POU6F2: variants seen among roughly 807,000 people sequenced by gnomAD.
POU6F2 encodes the protein POU domain, class 6, transcription factor 2.
A neutral mutation model predicts 71.3 loss-of-function variants in POU6F2; 31 were observed. That is an observed-to-expected ratio of 0.43 (90% confidence interval 0.33 to 0.59). The LOEUF (loss-of-function observed/expected upper bound fraction) is 0.59. Ranked by LOEUF, POU6F2 falls within the 20% of genes least tolerant of loss-of-function variation. POU6F2 has a pLI of 0.04. For synonymous variants in POU6F2, 347 were observed against 355.7 expected, an observed-to-expected ratio of 0.98 and a Z score of 0.27; for missense variants, 783 against 856.8, an observed-to-expected ratio of 0.91 and a Z score of 1.07.
At chr7:39,117,397 G>A (rs1346626224) in intron 2 of POU6F2, among the ~76,000 whole-genome samples, 1 of 152,136 alleles carries the variant, frequency 6.6e-6, no homozygotes, top group Non-Finnish European at 1.5e-5. Context: ...TGGACTCAGA[G>A]TTAAACATGG....
At chr7:39,070,354 C>T (rs1790852161) in intron 1 of POU6F2, among the ~76,000 whole-genome samples, 1 of 151,982 alleles carries the variant, frequency 6.6e-6, no homozygotes, top group Non-Finnish European at 1.5e-5. Flanking sequence ...GTGTCTAGTG[C>T]TTAAACTACC....
intron 1 of POU6F2, among the ~76,000 whole-genome samples, chr7:39,049,990 T>C (rs983418981): frequency 1.3e-5 from 2 of 152,092 alleles, no homozygotes; most frequent in African/African-American, 4.8e-5. Context: ...ATAATTTTTA[T>C]TGAATGTGGA....
chr7:39,108,699 G>T (rs1791743981), intron 2 of POU6F2, among the ~76,000 whole-genome samples: 1 of 152,108 alleles, frequency 6.6e-6, no homozygotes, highest in Non-Finnish European at 1.5e-5. Context: ...CATATGAGAT[G>T]AGTCTTTAGT....
chr7:39,016,040 TTATATATTA>T (rs1240283805), intron 1 of POU6F2, among the ~76,000 whole-genome samples: 3 of 54,570 alleles, frequency 5.5e-5, no homozygotes, highest in African/African-American at 1.2e-4. Context: ...TAGATATATA[TTATATATTA>T]TATATATTAT....
chr7:39,311,239 T>C (rs1445949296), intron 4 of POU6F2, among the ~76,000 whole-genome samples: 8 of 151,514 alleles, frequency 5.3e-5, no homozygotes, highest in African/African-American at 1.9e-4. Context: ...AGTGGTCACA[T>C]TGGGTACATG....
chr7:39,334,466 C>T (rs750231950), intron 4 of POU6F2, among the ~76,000 whole-genome samples: 24 of 151,320 alleles, frequency 1.6e-4, no homozygotes, highest in Admixed American at 3.3e-4. Flanking sequence ...AATCGACTCA[C>T]GTAACAAACA....
chr7:39,120,735 T>C (rs2128727492), intron 2 of POU6F2: 1 of 152,366 alleles, frequency 6.6e-6, no homozygotes, highest in African/African-American at 2.4e-5. Flanking sequence ...TATTCTGGAA[T>C]GAATAGAATT....
chr7:39,339,410 G>A (rs1785859014), intron 4 of POU6F2, among the ~76,000 whole-genome samples: 1 of 152,148 alleles, frequency 6.6e-6, no homozygotes, highest in Non-Finnish European at 1.5e-5. Flanking sequence ...ACCTTTTAAA[G>A]TAATGCCTGA....
Position 39,464,729 on chromosome 7 carries a change from A to AAAC in POU6F2, c.*44_*46dup. 1.9e-6 allele frequency: 3 copies of AAAC among 1,546,488 alleles called. No homozygotes were observed. The highest frequency in any genetic ancestry group is 2.6e-6 in the Non-Finnish European group (3 of 1,149,934). ...ATCAGAAGCAAAATTCACAGAAACTAAACTCCACCCTTGGGACTCCACAAC... is the reference window on the plus strand; with the variant it reads ...ATCAGAAGCAAAATTCACAGAAACTAAACAACTCCACCCTTGGGACTCCACAAC... On this transcript the variant is annotated 3_prime_UTR_variant, in exon 10 of 10. Transcript: ENST00000518318. The surrounding 1 kb of genome is among the most constrained non-coding windows in gnomAD (Gnocchi z 4.1).
intron 6 of POU6F2, among the ~76,000 whole-genome samples, chr7:39,418,939 G>GTGTATA (rs1554281373): frequency 2.9e-4 from 39 of 136,680 alleles, no homozygotes; most frequent in Non-Finnish European, 3.5e-4. Flanking sequence ...GTATATATGT[G>GTGTATA]TATATATGTA....
intron 4 of POU6F2, among the ~76,000 whole-genome samples, chr7:39,260,960 A>G (rs2128754489): frequency 6.6e-6 from 1 of 151,690 alleles, no homozygotes. Context: ...TCACATGCAC[A>G]CCACACCCAC....
At chr7:39,043,485 C>T (rs911730386) in intron 1 of POU6F2, among the ~76,000 whole-genome samples, 1 of 151,946 alleles carries the variant, frequency 6.6e-6, no homozygotes, top group Non-Finnish European at 1.5e-5. Context: ...AGTGCTGTTG[C>T]AGTAATGGGG....
At chr7:39,459,778 G>T (rs188580097) in intron 8 of POU6F2, among the ~76,000 whole-genome samples, 1 of 151,928 alleles carries the variant, frequency 6.6e-6, no homozygotes, top group African/African-American at 2.4e-5. Context: ...TTTATCCAGG[G>T]ATCAGTAGCC....
intron 1 of POU6F2, among the ~76,000 whole-genome samples, chr7:39,025,692 A>G (rs544343673): frequency 6.6e-6 from 1 of 151,488 alleles, no homozygotes; most frequent in South Asian, 2.1e-4. Context: ...GGCATGGGCA[A>G]GGACTTCATG....
At chr7:39,069,740 G>T (rs1438797402) in intron 1 of POU6F2, among the ~76,000 whole-genome samples, 1 of 152,144 alleles carries the variant, frequency 6.6e-6, no homozygotes, top group Non-Finnish European at 1.5e-5. Context: ...AAATCTTAAG[G>T]AAAAGAAAAT....
chr7:39,139,047 G>A (rs912878516), intron 2 of POU6F2, among the ~76,000 whole-genome samples: 1 of 152,112 alleles, frequency 6.6e-6, no homozygotes, highest in Non-Finnish European at 1.5e-5. Context: ...GTGGTTGAAT[G>A]CTCTGTTGTC....
chr7:39,137,191 G>A (rs888205337), intron 2 of POU6F2, among the ~76,000 whole-genome samples: 1 of 152,092 alleles, frequency 6.6e-6, no homozygotes, highest in Non-Finnish European at 1.5e-5. Context: ...TGGTGGATAT[G>A]CTAATTACCC....
chr7:39,130,940 G>A (rs557834831), intron 2 of POU6F2, among the ~76,000 whole-genome samples: 12 of 152,346 alleles, frequency 7.9e-5, no homozygotes, highest in African/African-American at 2.9e-4. Context: ...TAGTTGCTGC[G>A]TCTCACGGAT....
At chr7:39,183,345 G>C (rs1360412769) in intron 2 of POU6F2, among the ~76,000 whole-genome samples, 2 of 152,138 alleles carry the variant, frequency 1.3e-5, no homozygotes, top group African/African-American at 4.8e-5. Flanking sequence ...CAGTTCCACA[G>C]ACTACAAAGG....
Sources: allele counts gnomAD v4.1 joint callset (sites outside exome capture counted in the v4.1 genomes callset), GRCh38; gene constraint gnomAD v4.1.1; non-coding constraint Gnocchi (gnomAD v3.1); transcripts MANE v1.5; gene names NCBI Gene and HGNC (gene_info 2026-07-23, HGNC 2026-07-21).